Variants in FAR2 observed in about 807,000 individuals in gnomAD.
The protein encoded by FAR2 is fatty acyl-CoA reductase 2.
FAR2 carries 19 observed loss-of-function variants against 56.0 expected under a neutral mutation model. The observed-to-expected ratio is 0.34, with a 90% CI of 0.24 to 0.50. The LOEUF (loss-of-function observed/expected upper bound fraction) is 0.50, where lower values mean the gene tolerates loss of function less well. Among genes scored for constraint, FAR2 ranks in the 20% least tolerant of loss-of-function variants. The probability of loss-of-function intolerance (pLI) is 0.98; values close to 1 mark genes in which losing one functional copy is unlikely to be tolerated. For missense variants in FAR2, 508 were observed against 642.2 expected, an observed-to-expected ratio of 0.79 and a Z score of 2.26; for synonymous variants, 219 against 218.8, an observed-to-expected ratio of 1.00 and a Z score of -0.01.
chr12:29,258,647 G>T (rs1209736260), intron 1 of FAR2, among the ~76,000 whole-genome samples: 1 of 152,044 alleles, frequency 6.6e-6, no homozygotes, highest in Non-Finnish European at 1.5e-5. Context: ...TATTTTCTTT[G>T]AGCCTTAAAA....
chr12:29,203,910 G>A (rs953607597), intron 1 of FAR2, among the ~76,000 whole-genome samples: 38 of 142,932 alleles, frequency 2.7e-4, no homozygotes, highest in African/African-American at 8.9e-4. Context: ...TGAGGCAGGA[G>A]AATGGCGTGA....
At chr12:29,327,940 A>G (rs2136824789) in intron 10 of FAR2, among the ~76,000 whole-genome samples, 1 of 152,332 alleles carries the variant, frequency 6.6e-6, no homozygotes, top group African/African-American at 2.4e-5. Context: ...TGCACAGCAA[A>G]AGAAACCACC....
chr12:29,322,738 CTTTTG>C (rs1949573929), intron 10 of FAR2, among the ~76,000 whole-genome samples: 1 of 152,258 alleles, frequency 6.6e-6, no homozygotes, highest in Admixed American at 6.5e-5. Context: ...TAAAATGTAT[CTTTTG>C]TTTTATTTTG....
In FAR2 at chr12:29,334,416, TA is replaced by T. The variant is rs1949771353; in HGVS notation, c.*625del. On this transcript the variant is annotated 3_prime_UTR_variant, in exon 12 of 12. Transcript: ENST00000536681. ...ACTTCTTAAAAAGGAACAAGAAGTG[TA>T]AATAAGTATGTATAGAGTGAGGGAT... The T allele has an allele frequency of 2.0e-5, 3 of 152,192 alleles. No homozygotes were observed. Among genetic ancestry groups the T allele is most frequent in the African/African-American group, 7.2e-5 (3 of 41,444 alleles). 9.4% of individuals were successfully genotyped at this position (152,192 alleles called of 1,614,324 possible).
At chr12:29,167,953 C>T (rs562273056) in intron 1 of FAR2, among the ~76,000 whole-genome samples, 1 of 152,284 alleles carries the variant, frequency 6.6e-6, no homozygotes, top group Non-Finnish European at 1.5e-5. Flanking sequence ...TTCCTCATTA[C>T]CAGTTACTAA....
chr12:29,256,257 A>G (rs1216246881), intron 1 of FAR2, among the ~76,000 whole-genome samples: 1 of 152,032 alleles, frequency 6.6e-6, no homozygotes, highest in African/African-American at 2.4e-5. Context: ...GCGCCATCAT[A>G]GCTCACTGCA....
intron 1 of FAR2, among the ~76,000 whole-genome samples, chr12:29,239,800 A>C (rs1348758637): frequency 6.6e-6 from 1 of 152,232 alleles, no homozygotes; most frequent in African/African-American, 2.4e-5. Context: ...TAGATGATTA[A>C]TATATATCCT....
intron 10 of FAR2, among the ~76,000 whole-genome samples, chr12:29,325,099 C>A (rs1325137537): frequency 6.6e-6 from 1 of 152,002 alleles, no homozygotes; most frequent in African/African-American, 2.4e-5. Flanking sequence ...GGGTTGCAAT[C>A]CTAGTCTCTG....
At chr12:29,277,818 T>A (rs1372849454) in intron 2 of FAR2, 2 of 152,214 alleles carry the variant, frequency 1.3e-5, no homozygotes, top group African/African-American at 4.8e-5. Context: ...ATCATGCCTT[T>A]GCTGCAAAAT....
chr12:29,310,154 A>C (rs1949323289), intron 6 of FAR2, among the ~76,000 whole-genome samples: 1 of 152,192 alleles, frequency 6.6e-6, no homozygotes, highest in South Asian at 2.1e-4. Context: ...GTTGGGGTGA[A>C]CGTTTAGTGA....
chr12:29,290,392 G>A (rs1948946395), intron 2 of FAR2, among the ~76,000 whole-genome samples: 1 of 151,852 alleles, frequency 6.6e-6, no homozygotes, highest in African/African-American at 2.4e-5. Context: ...GTTGTAGTGA[G>A]CCAAGATTGT....
chr12:29,262,263 T>TATAAGATAG (rs541506145), intron 1 of FAR2, among the ~76,000 whole-genome samples: 428 of 152,208 alleles, frequency 2.8e-3, no homozygotes, highest in African/African-American at 1.0e-2. Context: ...AATAATGGGT[T>TATAAGATAG]ATAAGATAGC....
At chr12:29,178,191 A>G (rs1461646727) in intron 1 of FAR2, among the ~76,000 whole-genome samples, 1 of 152,236 alleles carries the variant, frequency 6.6e-6, no homozygotes, top group African/African-American at 2.4e-5. Flanking sequence ...AATAAAAAAA[A>G]AAAAAGAAAT....
chr12:29,325,524 A>C (rs1489286042), intron 10 of FAR2, among the ~76,000 whole-genome samples: 1 of 152,230 alleles, frequency 6.6e-6, no homozygotes, highest in African/African-American at 2.4e-5. Context: ...AGCAAATGTA[A>C]AAGAACAGAA....
intron 8 of FAR2, among the ~76,000 whole-genome samples, chr12:29,313,687 T>G (rs1949392250): frequency 6.6e-6 from 1 of 152,162 alleles, no homozygotes; most frequent in Admixed American, 6.5e-5. Context: ...TTAAAATGTA[T>G]TCACATAAAA....
chr12:29,328,858 G>A (rs536099129), intron 10 of FAR2, among the ~76,000 whole-genome samples: 4 of 151,508 alleles, frequency 2.6e-5, no homozygotes, highest in East Asian at 1.9e-4. Flanking sequence ...AAGCCTGCAC[G>A]TTATGCACAC....
rs1323258805 is a variant in FAR2, at chr12:29,236,664, C to A, written c.-38-33748C>A. On this transcript the variant is annotated intron_variant, in intron 1 of 11. Transcript: ENST00000536681. ...GCACGAGGGAAACTACTCCACAATC[C>A]AATCACTTCCCTGCCTTGGTGTGGG... is the stretch of plus-strand genomic sequence containing the variant. 2.0e-5 allele frequency among the ~76,000 whole-genome samples: 3 copies of A among 152,156 alleles called. No homozygotes were observed. In the East Asian group the frequency reaches 5.8e-4, roughly 29 times the overall value.
intron 10 of FAR2, among the ~76,000 whole-genome samples, chr12:29,325,227 C>T (rs1354733723): frequency 6.6e-6 from 1 of 152,190 alleles, no homozygotes; most frequent in Admixed American, 6.5e-5. Flanking sequence ...GCACCCAATA[C>T]AGGAGCACCC....
At chr12:29,274,929 G>A (rs139383457) in intron 2 of FAR2, among the ~76,000 whole-genome samples, 7,371 of 150,928 alleles carry the variant, frequency 0.049, 503 homozygotes, top group African/African-American at 0.15. Context: ...AGCCTGTTTG[G>A]TGGTCTCCTC....
Sources: allele counts gnomAD v4.1 joint callset (sites outside exome capture counted in the v4.1 genomes callset), GRCh38; gene constraint gnomAD v4.1.1; transcripts MANE v1.5; gene names NCBI Gene and HGNC (gene_info 2026-07-23, HGNC 2026-07-21).